The following NELL1 variants were observed in gnomAD, a reference collection of about 807,000 sequenced individuals.
The protein encoded by NELL1 is neural EGFL like 1, also known as protein kinase C-binding protein NELL1.
In NELL1, 76 loss-of-function variants were observed where a neutral mutation model predicts 107.4. The observed-to-expected ratio is 0.71, with a 90% CI of 0.59 to 0.86. NELL1 has a LOEUF of 0.86. NELL1 is among the 40% of genes least tolerant of loss of function. The pLI is 0.00. For missense variants in NELL1, 1,024 were observed against 1,005.5 expected (o/e 1.02, Z -0.25); for synonymous variants, 353 against 341.2 (o/e 1.03, Z -0.38).
At chr11:21,388,688 A>G (rs1255432836) in intron 15 of NELL1, among the ~76,000 whole-genome samples, 2 of 151,904 alleles carry the variant, frequency 1.3e-5, no homozygotes, top group African/African-American at 4.8e-5. Context: ...AATGAAAGCA[A>G]CATGAGCTTC....
intron 15 of NELL1, among the ~76,000 whole-genome samples, chr11:21,476,996 T>C (rs1301482647): frequency 1.3e-5 from 2 of 152,144 alleles, no homozygotes; most frequent in Non-Finnish European, 2.9e-5. Flanking sequence ...AGATCTCTGG[T>C]GTCCTAAATA....
At chr11:20,878,529 G>A (rs1849350675) in intron 4 of NELL1, among the ~76,000 whole-genome samples, 1 of 152,086 alleles carries the variant, frequency 6.6e-6, no homozygotes, top group African/African-American at 2.4e-5. Context: ...GAGACAGTGA[G>A]AGGAGTTTAT....
intron 13 of NELL1, among the ~76,000 whole-genome samples, chr11:21,144,899 C>T (rs1004064225): frequency 3.3e-5 from 5 of 152,184 alleles, no homozygotes; most frequent in African/African-American, 1.2e-4. Flanking sequence ...CTCTTTATCT[C>T]AGGCTCTGGA....
intron 14 of NELL1, among the ~76,000 whole-genome samples, chr11:21,308,363 T>A (rs1849654418): frequency 6.6e-6 from 1 of 151,962 alleles, no homozygotes; most frequent in Admixed American, 6.6e-5. Context: ...ATATTTAGCC[T>A]CTCCACTCCC....
At chr11:20,927,905 T>A (rs1850534461) in intron 8 of NELL1, among the ~76,000 whole-genome samples, 1 of 152,200 alleles carries the variant, frequency 6.6e-6, no homozygotes, top group African/African-American at 2.4e-5. Context: ...TGTGAGGATA[T>A]CCATTATTTG....
chr11:21,012,478 G>T (rs929926141), intron 12 of NELL1, among the ~76,000 whole-genome samples: 3 of 151,928 alleles, frequency 2.0e-5, no homozygotes, highest in Non-Finnish European at 4.4e-5. Context: ...TATGATCCTT[G>T]GTCTCTCCCA....
chr11:20,811,507 C>T (rs1016340887), intron 3 of NELL1, among the ~76,000 whole-genome samples: 1 of 151,956 alleles, frequency 6.6e-6, no homozygotes, highest in Non-Finnish European at 1.5e-5. Context: ...ATAGGGATTG[C>T]ATGGAATCTG....
chr11:20,990,805 A>G (rs779475119), intron 12 of NELL1, among the ~76,000 whole-genome samples: 1 of 152,144 alleles, frequency 6.6e-6, no homozygotes, highest in Non-Finnish European at 1.5e-5. Flanking sequence ...AACTTTCTTT[A>G]GGATTTGAGT....
chr11:21,501,265 A>T (rs571250168), intron 15 of NELL1, among the ~76,000 whole-genome samples: 6 of 152,244 alleles, frequency 3.9e-5, no homozygotes, highest in Non-Finnish European at 4.4e-5. Flanking sequence ...CAAGTAACAG[A>T]TATTTGTTCT....
intron 12 of NELL1, among the ~76,000 whole-genome samples, chr11:21,103,118 G>T (rs1167043182): frequency 6.6e-6 from 1 of 152,242 alleles, no homozygotes; most frequent in Admixed American, 6.5e-5. Flanking sequence ...TTAATGAACC[G>T]AGGTTGTGTT....
intron 3 of NELL1, among the ~76,000 whole-genome samples, chr11:20,787,018 A>T (rs997047005): frequency 6.7e-6 from 1 of 150,030 alleles, no homozygotes; most frequent in Non-Finnish European, 1.5e-5. Context: ...AAAAAAAAAA[A>T]AAAAAAAAAA....
chr11:20,864,202 G>T (rs1039285376), intron 4 of NELL1, among the ~76,000 whole-genome samples: 2 of 152,146 alleles, frequency 1.3e-5, no homozygotes, highest in Non-Finnish European at 2.9e-5. Context: ...ATAGAAAATT[G>T]TATGTATTTA....
At chr11:21,221,390 A>T (rs947282486) in intron 13 of NELL1, among the ~76,000 whole-genome samples, 4 of 152,100 alleles carry the variant, frequency 2.6e-5, no homozygotes, top group African/African-American at 9.7e-5. Flanking sequence ...GTAATACTGG[A>T]CTTGTACAAT....
chr11:20,724,887 T>G (rs1855474313), intron 2 of NELL1, among the ~76,000 whole-genome samples: 1 of 152,196 alleles, frequency 6.6e-6, no homozygotes, highest in South Asian at 2.1e-4. Context: ...AAGAAAGGTT[T>G]AATTGACTCA....
intron 13 of NELL1, among the ~76,000 whole-genome samples, chr11:21,184,827 T>A (rs1054096311): frequency 1.3e-5 from 2 of 151,892 alleles, no homozygotes; most frequent in African/African-American, 4.9e-5. Flanking sequence ...AATGGAAAGT[T>A]TGAAGCCATC....
At chr11:21,022,958 G>A (rs1259669852) in intron 12 of NELL1, among the ~76,000 whole-genome samples, 2 of 152,152 alleles carry the variant, frequency 1.3e-5, no homozygotes, top group African/African-American at 4.8e-5. Flanking sequence ...GGAAAGAAGG[G>A]CCACATGAGG....
At chr11:20,788,151 A>T (rs538180131) in intron 3 of NELL1, among the ~76,000 whole-genome samples, 1 of 152,352 alleles carries the variant, frequency 6.6e-6, no homozygotes, top group South Asian at 2.1e-4. Context: ...GCTATTATGA[A>T]TAATGCTGCT....
rs1191375543 is a variant in NELL1, at chr11:20,756,440, G to A, written c.185-27240G>A. Among the ~76,000 whole-genome samples the A allele has an allele frequency of 2.0e-5, 3 of 151,394 alleles. No homozygotes were observed. In the East Asian group the frequency reaches 5.8e-4, roughly 29 times the overall value. Reference sequence around the variant, plus strand: ...TGAAAGCTCCGCCTCCTGGGTTCACGCCATTCTCCTGCCTCAGCCTCCTGA... The same window carrying A: ...TGAAAGCTCCGCCTCCTGGGTTCACACCATTCTCCTGCCTCAGCCTCCTGA... On this transcript the variant is annotated intron_variant, in intron 2 of 19. Coordinates refer to ENST00000357134, the MANE Select transcript of NELL1 (RefSeq NM_006157.5).
chr11:20,917,106 T>A (rs1406032185), intron 5 of NELL1, among the ~76,000 whole-genome samples: 1 of 152,016 alleles, frequency 6.6e-6, no homozygotes, highest in Non-Finnish European at 1.5e-5. Flanking sequence ...ATTTAGATTG[T>A]GCTCCATTAA....
Sources: gnomAD v4.1 joint callset for allele counts (sites outside exome capture counted in the v4.1 genomes callset) on GRCh38, gnomAD v4.1.1 for gene constraint, MANE v1.5 for transcripts, NCBI Gene and HGNC (gene_info 2026-07-23, HGNC 2026-07-21) for gene names.